Variants in PPARGC1A observed in about 807,000 individuals in gnomAD.
PPARGC1A encodes the protein peroxisome proliferator-activated receptor gamma coactivator 1-alpha.
Under a neutral mutation model 88.7 loss-of-function variants are expected in PPARGC1A, and 25 were observed. That is an observed-to-expected ratio of 0.28 (90% confidence interval 0.21 to 0.39). The LOEUF (loss-of-function observed/expected upper bound fraction) is 0.39, where lower values mean the gene tolerates loss of function less well. Ranked by LOEUF, PPARGC1A falls within the 10% of genes least tolerant of loss-of-function variation. The pLI is 1.00. For missense variants in PPARGC1A, 880 were observed against 968.7 expected (o/e 0.91, Z 1.22); for synonymous variants, 363 against 355.6 (o/e 1.02, Z -0.24).
At chr4:24,219,906 A>G in the PPARGC1A span, among the ~76,000 whole-genome samples, 263 of 152,312 alleles carry the variant, frequency 1.7e-3, 3 homozygotes, top group African/African-American at 6.0e-3. Flanking sequence ...CAGTAAAGAG[A>G]AGTGATTTCT....
At chr4:24,109,036 C>CCACACACACACACACCACACA in the PPARGC1A span, among the ~76,000 whole-genome samples, 4 of 128,690 alleles carry the variant, frequency 3.1e-5, no homozygotes, top group African/African-American at 1.4e-4. Context: ...CACACACACA[C>CCACACACACACACACCACACA]CACACACACA....
At chr4:24,317,548 A>G in the PPARGC1A span, among the ~76,000 whole-genome samples, 49 of 124,314 alleles carry the variant, frequency 3.9e-4, no homozygotes, top group African/African-American at 1.5e-3. Flanking sequence ...CCCAGTGTTC[A>G]GAGGACTAAA....
intron 2 of PPARGC1A, among the ~76,000 whole-genome samples, chr4:23,840,758 T>C (rs780094136): frequency 6.6e-6 from 1 of 152,180 alleles, no homozygotes; most frequent in Non-Finnish European, 1.5e-5. Context: ...TCCATCCTGA[T>C]AATATAAGAA....
At chr4:24,236,363 T>C in the PPARGC1A span, among the ~76,000 whole-genome samples, 1 of 152,136 alleles carries the variant, frequency 6.6e-6, no homozygotes, top group South Asian at 2.1e-4. Context: ...AAATCTGTCA[T>C]CAGCAATGAT....
chr4:24,161,198 C>G, the PPARGC1A span, among the ~76,000 whole-genome samples: 3 of 152,292 alleles, frequency 2.0e-5, no homozygotes, highest in South Asian at 6.2e-4. Context: ...CCCCCTTGAG[C>G]AAGTAAATCT....
the PPARGC1A span, among the ~76,000 whole-genome samples, chr4:24,310,348 C>T: frequency 1.3e-5 from 2 of 152,324 alleles, no homozygotes; most frequent in South Asian, 4.1e-4. Context: ...CAATTCCTCT[C>T]TAGAATCTAC....
intron 2 of PPARGC1A, among the ~76,000 whole-genome samples, chr4:23,844,728 A>T (rs1482897200): frequency 1.1e-5 from 1 of 90,596 alleles, no homozygotes; most frequent in African/African-American, 4.8e-5. Context: ...ATATTATTAT[A>T]ATATATGATA....
chr4:24,066,849 GTTTTT>G, the PPARGC1A span, among the ~76,000 whole-genome samples: 5 of 100,868 alleles, frequency 5.0e-5, no homozygotes, highest in South Asian at 6.5e-4. Flanking sequence ...TTTGTTTTGG[GTTTTT>G]TTTTTTTTTT....
chr4:24,159,572 G>A, the PPARGC1A span, among the ~76,000 whole-genome samples: 1 of 152,052 alleles, frequency 6.6e-6, no homozygotes, highest in African/African-American at 2.4e-5. Context: ...ATTTAATCCA[G>A]ATCTATCTGA....
At chr4:24,196,288 GA>G in the PPARGC1A span, among the ~76,000 whole-genome samples, 1 of 152,226 alleles carries the variant, frequency 6.6e-6, no homozygotes, top group African/African-American at 2.4e-5. Flanking sequence ...CACTCCCAGA[GA>G]AGGAGAGAAA....
At chr4:24,102,946 T>C in the PPARGC1A span, among the ~76,000 whole-genome samples, 2 of 152,168 alleles carry the variant, frequency 1.3e-5, no homozygotes, top group Non-Finnish European at 2.9e-5. Context: ...AAGTCTGCCC[T>C]GGAGATGGTT....
At chr4:23,851,501 C>T (rs1389266051) in intron 2 of PPARGC1A, among the ~76,000 whole-genome samples, 3 of 152,082 alleles carry the variant, frequency 2.0e-5, no homozygotes, top group African/African-American at 7.2e-5. Context: ...ATATTTGAGG[C>T]TGAGCACAAT....
the PPARGC1A span, among the ~76,000 whole-genome samples, chr4:24,096,172 T>A: frequency 6.6e-6 from 1 of 152,296 alleles, no homozygotes; most frequent in African/African-American, 2.4e-5. Flanking sequence ...TCTCTCTCTC[T>A]CTTCCGCCAC....
At chr4:24,434,374 C>T in the PPARGC1A span, among the ~76,000 whole-genome samples, 76 of 152,252 alleles carry the variant, frequency 5.0e-4, no homozygotes, top group African/African-American at 1.8e-3. Flanking sequence ...CTGAGTGTCA[C>T]AGCTATATCA....
At chr4:23,999,977 G>A in the PPARGC1A span, among the ~76,000 whole-genome samples, 1 of 152,160 alleles carries the variant, frequency 6.6e-6, no homozygotes, top group South Asian at 2.1e-4. Flanking sequence ...ACGCAAGCAC[G>A]TCATTAAAAT....
chr4:24,213,803 T>C, the PPARGC1A span, among the ~76,000 whole-genome samples: 1 of 152,238 alleles, frequency 6.6e-6, no homozygotes, highest in Non-Finnish European at 1.5e-5. Context: ...TAATTGATTA[T>C]CTAACATGGG....
At chr4:24,064,269 T>C in the PPARGC1A span, among the ~76,000 whole-genome samples, 1 of 152,020 alleles carries the variant, frequency 6.6e-6, no homozygotes, top group Non-Finnish European at 1.5e-5. Context: ...CTGGTGACAA[T>C]GCGATACCCT....
At chr4:24,056,457 T>A in the PPARGC1A span, among the ~76,000 whole-genome samples, 1 of 152,344 alleles carries the variant, frequency 6.6e-6, no homozygotes, top group South Asian at 2.1e-4. Flanking sequence ...GTGCTCATAT[T>A]CAATGAGCAG....
At chr4:24,393,301 A>G in the PPARGC1A span, among the ~76,000 whole-genome samples, 3 of 152,218 alleles carry the variant, frequency 2.0e-5, no homozygotes, top group African/African-American at 7.2e-5. Context: ...ATGAATTTCA[A>G]TTCCATCCAT....
Sources: gnomAD v4.1 joint callset for allele counts (sites outside exome capture counted in the v4.1 genomes callset) on GRCh38, gnomAD v4.1.1 for gene constraint, MANE v1.5 for transcripts, NCBI Gene and HGNC (gene_info 2026-07-23, HGNC 2026-07-21) for gene names.